Variants in TTC17 observed in about 807,000 individuals in gnomAD.
TTC17 encodes tetratricopeptide repeat protein 17.
TTC17 carries 58 observed loss-of-function variants against 143.8 expected under a neutral mutation model. The observed-to-expected ratio is 0.40, with a 90% CI of 0.33 to 0.50. TTC17 has a LOEUF of 0.50. TTC17 is among the 20% of genes least tolerant of loss of function. The probability of loss-of-function intolerance (pLI) is 0.49; values close to 1 mark genes in which losing one functional copy is unlikely to be tolerated. For missense variants in TTC17, 1,273 were observed against 1,392.5 expected (o/e 0.91, Z 1.37); for synonymous variants, 501 against 497.8 (o/e 1.01, Z -0.09).
chr11:43,400,162 C>T (rs1418115726), intron 9 of TTC17, 114 bp downstream of exon 9: 3 of 1,170,408 alleles, frequency 2.6e-6, no homozygotes, highest in East Asian at 5.2e-5. Context: ...TTTATGACTT[C>T]CCTACATCTC....
At chr11:43,413,053 A>G in intron 15 of TTC17, among the ~76,000 whole-genome samples, 1 of 149,828 alleles carries the variant, frequency 6.7e-6, no homozygotes. Flanking sequence ...GATGGGGAGG[A>G]ACAGAGTTGG....
chr11:43,408,694 A>T (rs1452945089), intron 15 of TTC17, among the ~76,000 whole-genome samples: 1 of 152,202 alleles, frequency 6.6e-6, no homozygotes, highest in Admixed American at 6.5e-5. Context: ...GTGCTACAAT[A>T]AGAATAAAAA....
intron 15 of TTC17, among the ~76,000 whole-genome samples, chr11:43,408,472 G>C (rs1476063220): frequency 6.6e-6 from 1 of 152,158 alleles, no homozygotes; most frequent in Non-Finnish European, 1.5e-5. Flanking sequence ...CTGTGTACCA[G>C]GTGCTGGTAC....
intron 2 of TTC17, among the ~76,000 whole-genome samples, chr11:43,384,685 A>T (rs1857106836): frequency 6.6e-6 from 1 of 152,188 alleles, no homozygotes; most frequent in Non-Finnish European, 1.5e-5. Context: ...AAAAAAAGAA[A>T]TGTGATGGGC....
chr11:43,460,995 A>AT (rs1202295789), intron 21 of TTC17, among the ~76,000 whole-genome samples: 1 of 152,214 alleles, frequency 6.6e-6, no homozygotes, highest in Non-Finnish European at 1.5e-5. Flanking sequence ...CCTCTACCTG[A>AT]TGGTAGTGAC....
Position 43,405,534 on chromosome 11 carries a change from G to T in TTC17, c.1500G>T (p.Trp500Cys). 1 of 1,613,732 alleles carries T rather than the reference G, an allele frequency of 6.2e-7. No individual in the cohort carries two copies. The highest frequency in any genetic ancestry group is 8.5e-7 in the Non-Finnish European group (1 of 1,179,744). ...DAYRDKQHIL[W>C]PKRADCTESY... Reference sequence around the variant, plus strand: ...ATCAGGACAAACAGCATATTCTATGGCCTAAAAGAGCAGATTGTACAGAAA... The same window carrying T: ...ATCAGGACAAACAGCATATTCTATGTCCTAAAAGAGCAGATTGTACAGAAA... The change falls in exon 12 of 24, where the codon TGG becomes TGT. Residue 500 changes from tryptophan (W) to cysteine (C), a missense_variant. Trp to Cys is a radical substitution (Grantham distance 215, BLOSUM62 -2). Around this residue, in one of 3 missense-constraint regions of TTC17, gnomAD observed 878 missense variants for 899.8 expected, o/e 0.98. Coordinates refer to ENST00000039989, the MANE Select transcript of TTC17 (RefSeq NM_018259.6).
Position 43,492,051 on chromosome 11 carries a change from T to C in TTC17, c.3182T>C (p.Leu1061Ser). The C allele has an allele frequency of 6.2e-7, 1 of 1,614,120 alleles. No homozygotes were observed. Among genetic ancestry groups the C allele is most frequent in the Non-Finnish European group, 8.5e-7 (1 of 1,179,976 alleles). The change falls in exon 23 of 24, where the codon TTG (leucine) becomes TCG (serine). Residue 1061 changes from leucine to serine, a missense_variant. Physicochemically the swap from Leu to Ser is moderately radical, Grantham distance 145 (BLOSUM62 -2). Around this residue, in one of 3 missense-constraint regions of TTC17, gnomAD observed 878 missense variants for 899.8 expected, o/e 0.98. Coordinates refer to ENST00000039989, the MANE Select transcript of TTC17 (RefSeq NM_018259.6). Reference protein sequence around the residue: ...DVPLISLANILHNAKLWNDAV... With the variant: ...DVPLISLANISHNAKLWNDAV... Reference sequence around the variant, plus strand: ...CCCCTGATTAGCCTGGCCAACATCTTGCACAATGCCAAGCTCTGGAATGAC... The same window carrying C: ...CCCCTGATTAGCCTGGCCAACATCTCGCACAATGCCAAGCTCTGGAATGAC...
At chr11:43,397,113 C>A in intron 6 of TTC17, 1 of 488,880 alleles carries the variant, frequency 2.0e-6, no homozygotes, top group Admixed American at 3.6e-5. Flanking sequence ...TTTCTTAAAG[C>A]AAATATAAGC....
chr11:43,462,624 T>G (rs1466440911), intron 21 of TTC17, among the ~76,000 whole-genome samples: 1 of 152,218 alleles, frequency 6.6e-6, no homozygotes, highest in Non-Finnish European at 1.5e-5. Context: ...ATTTTTATTG[T>G]TTTAAACCAC....
In TTC17 at chr11:43,447,989, A is replaced by ACTTT; in HGVS notation, c.2666-11_2666-8dup. The ACTTT allele has an allele frequency of 6.2e-7, 1 of 1,613,238 alleles. No homozygotes were observed. The highest frequency in any genetic ancestry group is 8.5e-7 in the Non-Finnish European group (1 of 1,179,566). On this transcript the variant is annotated splice_polypyrimidine_tract_variant and intron_variant, in intron 18 of 23. Transcript: ENST00000039989. The stretch of plus-strand genomic sequence containing the variant: ...TTGCAATTGTGTGGATTCATGGCAT[A>ACTTT]CTTTCCTTCCAGGAAAAAAACGTGA...
chr11:43,418,392 A>G (rs1332791521), intron 16 of TTC17, among the ~76,000 whole-genome samples: 1 of 152,128 alleles, frequency 6.6e-6, no homozygotes, highest in Non-Finnish European at 1.5e-5. Context: ...CCCACTCTTG[A>G]ATTGACTGTA....
chr11:43,439,950 ATTC>A (rs1390979795), intron 16 of TTC17, among the ~76,000 whole-genome samples: 4 of 152,180 alleles, frequency 2.6e-5, no homozygotes, highest in East Asian at 3.8e-4. Flanking sequence ...CACAATATTT[ATTC>A]TTCTTCCCAG....
At chr11:43,476,915 T>C (rs1255685838) in intron 21 of TTC17, among the ~76,000 whole-genome samples, 4 of 152,370 alleles carry the variant, frequency 2.6e-5, no homozygotes, top group South Asian at 2.1e-4. Flanking sequence ...TTCTTTTCTA[T>C]CGCATAGTCA....
intron 16 of TTC17, among the ~76,000 whole-genome samples, chr11:43,436,803 TTACTC>T (rs1177829091): frequency 1.3e-5 from 2 of 152,174 alleles, no homozygotes; most frequent in South Asian, 4.1e-4. Flanking sequence ...CTTGACCACT[TTACTC>T]TATCTGGAAC....
intron 3 of TTC17, among the ~76,000 whole-genome samples, chr11:43,391,126 C>T (rs904535426): frequency 1.3e-5 from 2 of 152,066 alleles, no homozygotes; most frequent in African/African-American, 4.8e-5. Context: ...TGACTGAGCA[C>T]AGTGGTTTAC....
rs575182760 is a variant in TTC17, at chr11:43,416,523, T to C, written c.2251+1747T>C. 3.5e-4 allele frequency among the ~76,000 whole-genome samples: 53 copies of C among 152,222 alleles called. No individual in the cohort carries two copies. The South Asian group carries it at 0.011, about 31-fold the overall frequency. On this transcript the variant is annotated intron_variant, in intron 16 of 23. Transcript: ENST00000039989. Reference sequence around the variant, plus strand: ...GGGAATACAGTTGTCTTGAACTTTTTCCCCAGAATGTAACCTCAACTGGTC... The same window carrying C: ...GGGAATACAGTTGTCTTGAACTTTTCCCCCAGAATGTAACCTCAACTGGTC...
At chr11:43,408,417 G>A (rs1322676053) in intron 15 of TTC17, among the ~76,000 whole-genome samples, 1 of 152,114 alleles carries the variant, frequency 6.6e-6, no homozygotes, top group African/African-American at 2.4e-5. Flanking sequence ...TTATGTAACA[G>A]GTCACATTGC....
At chr11:43,411,737 CA>C (rs1343189668) in intron 15 of TTC17, among the ~76,000 whole-genome samples, 1 of 152,144 alleles carries the variant, frequency 6.6e-6, no homozygotes, top group Non-Finnish European at 1.5e-5. Flanking sequence ...TTTCCTTATG[CA>C]AAATATAAAG....
chr11:43,432,979 G>A (rs1947193555), intron 16 of TTC17, among the ~76,000 whole-genome samples: 1 of 146,772 alleles, frequency 6.8e-6, no homozygotes, highest in South Asian at 2.1e-4. Flanking sequence ...TTTTTTTGTT[G>A]GTTTTTTGGG....
Sources: allele counts gnomAD v4.1 joint callset (sites outside exome capture counted in the v4.1 genomes callset), GRCh38; gene constraint gnomAD v4.1.1; regional missense constraint gnomAD v4.1.1; transcripts MANE v1.5; gene names NCBI Gene and HGNC (gene_info 2026-07-23, HGNC 2026-07-21).